Variants in DTNA observed in about 807,000 individuals in gnomAD.
The protein encoded by DTNA is dystrobrevin alpha, also known as dystrophin-related protein 3.
A neutral mutation model predicts 100.7 loss-of-function variants in DTNA; 43 were observed. That is an observed-to-expected ratio of 0.43 (90% CI 0.33 to 0.55). DTNA has a LOEUF of 0.55. DTNA is among the 20% of genes least tolerant of loss of function. The probability of loss-of-function intolerance (pLI) is 0.04; values close to 1 mark genes in which losing one functional copy is unlikely to be tolerated. For missense variants in DTNA, 798 were observed against 953.9 expected, an observed-to-expected ratio of 0.84 and a Z score of 2.15; for synonymous variants, 349 against 347.9, an observed-to-expected ratio of 1.00 and a Z score of -0.04.
Position 34,794,173 on chromosome 18 carries a change from G to A in DTNA, c.285G>A (p.Arg95=), listed in dbSNP as rs757017221. ...CTATTTTTTACCAGCTCAACAAACG[G>A]ATGCCAACCACTCACCAAATCCATG... ...LSTIFYQLNK[R]MPTTHQIHVE... Residue 95 remains arginine (R), a synonymous_variant, in exon 4 of 23, where the codon CGG becomes CGA. Coordinates refer to ENST00000444659, the MANE Select transcript of DTNA (RefSeq NM_001386795.1). 1.2e-6 allele frequency: 2 copies of A among 1,613,982 alleles called. No individual in the cohort carries two copies. The highest frequency in any genetic ancestry group is 1.3e-5 in the African/African-American group (1 of 74,888).
intron 1 of DTNA, among the ~76,000 whole-genome samples, chr18:34,547,694 C>T (rs1313920721): frequency 6.6e-6 from 1 of 152,104 alleles, no homozygotes; most frequent in South Asian, 2.1e-4. Context: ...TTTACATAAA[C>T]TGCATCTTCA....
At chr18:34,704,992 A>G (rs928389545) in intron 1 of DTNA, among the ~76,000 whole-genome samples, 7 of 152,204 alleles carry the variant, frequency 4.6e-5, no homozygotes, top group Non-Finnish European at 7.4e-5. Context: ...GAGAGCGACC[A>G]GACAGGTACT....
rs182477569 is a variant in DTNA at position 34,766,119 on chromosome 18, G to T, written c.148+78G>T. 1,296 of 1,462,740 alleles carry T rather than the reference G, an allele frequency of 8.9e-4. 2 individuals are homozygous for T. Among genetic ancestry groups the T allele is most frequent in the Non-Finnish European group, 1.1e-3 (1,140 of 1,053,424 alleles). The allele number at this position is 1,462,740 out of a possible 1,614,324, so 90.6% of individuals were successfully genotyped here. A position where few individuals can be genotyped will look rare whatever the true frequency, so the allele number is the denominator to read the frequency against. On this transcript the variant is annotated intron_variant, in intron 3 of 22. Coordinates refer to ENST00000444659, the MANE Select transcript of DTNA (RefSeq NM_001386795.1). ...ATTTGGTACTAAGTTTATTAAACTA[G>T]ATTCTGTTACAAATATTGCTAATAT... is the stretch of plus-strand genomic sequence containing the variant.
At chr18:34,563,734 T>A (rs2146273071) in intron 1 of DTNA, among the ~76,000 whole-genome samples, 1 of 152,304 alleles carries the variant, frequency 6.6e-6, no homozygotes, top group Non-Finnish European at 1.5e-5. Context: ...GTGATATTAC[T>A]CTCCACTGAA....
chr18:34,879,806 G>T lies in DTNA; in HGVS notation c.2162+87G>T, dbSNP rs1041675072. ...GAAAGTAAAAGCATAATTGTTTAGG[G>T]TTTTTTTAACCTTCAGAAGGGGTGA... On this transcript the variant is annotated intron_variant, in intron 20 of 22. Coordinates refer to ENST00000444659, the MANE Select transcript of DTNA (RefSeq NM_001386795.1). 35 of 1,539,612 alleles carry T rather than the reference G, an allele frequency of 2.3e-5. No individual in the cohort carries two copies. The Middle Eastern group carries it at 6.7e-4, about 30-fold the overall frequency.
At chr18:34,855,901 C>A (rs997295465) in intron 15 of DTNA, among the ~76,000 whole-genome samples, 2 of 152,112 alleles carry the variant, frequency 1.3e-5, no homozygotes, top group Non-Finnish European at 2.9e-5. Flanking sequence ...GAAAGCAGGA[C>A]TTCTTTTGAG....
At chr18:34,561,819 G>A (rs1219306433) in intron 1 of DTNA, among the ~76,000 whole-genome samples, 2 of 152,072 alleles carry the variant, frequency 1.3e-5, no homozygotes, top group Non-Finnish European at 2.9e-5. Flanking sequence ...TTCATTTATT[G>A]ACAGTTTTAT....
upstream of DTNA, among the ~76,000 whole-genome samples, chr18:34,707,649 GA>G (rs1189792562): frequency 6.6e-6 from 1 of 151,948 alleles, no homozygotes; most frequent in Non-Finnish European, 1.5e-5. Flanking sequence ...ATCTCCAGGG[GA>G]AAAAAATGTA....
rs2042840526 is a variant in DTNA at position 34,528,419 on chromosome 18, A to G, written c.-2+34905A>G. Among the ~76,000 whole-genome samples, 5 of 152,044 alleles carry G rather than the reference A, an allele frequency of 3.3e-5. No homozygotes were observed. In the South Asian group the frequency reaches 1.0e-3, roughly 31 times the overall value. ...GTGTGGCTACAAAACAAAACATGGG[A>G]ATTTCAGTAAAAAGAAGCCATAGAG... is the stretch of plus-strand genomic sequence containing the variant. On this transcript the variant is annotated intron_variant, in intron 1 of 19. Coordinates refer to the DTNA transcript ENST00000283365.
chr18:34,850,326 A>G (rs959845715), intron 14 of DTNA, among the ~76,000 whole-genome samples: 1 of 152,244 alleles, frequency 6.6e-6, no homozygotes, highest in Non-Finnish European at 1.5e-5. Context: ...ATATGCCAGA[A>G]AAGGAAACTT....
intron 1 of DTNA, among the ~76,000 whole-genome samples, chr18:34,562,462 A>G (rs535904976): frequency 1.3e-5 from 2 of 152,362 alleles, no homozygotes; most frequent in South Asian, 4.1e-4. Context: ...GTCCTCAGTC[A>G]GAAGTTAATA....
At chr18:34,782,193 C>T (rs9965740) in intron 3 of DTNA, among the ~76,000 whole-genome samples, 21,460 of 152,140 alleles carry the variant, frequency 0.14, 1,597 homozygotes, top group African/African-American at 0.17. Context: ...CCAGTTTGAA[C>T]AAGGTATTAT....
chr18:34,653,746 CA>C, intron 1 of DTNA, among the ~76,000 whole-genome samples: 1 of 152,082 alleles, frequency 6.6e-6, no homozygotes. Context: ...CGCTTGAACC[CA>C]GGAGGCAGAG....
intron 1 of DTNA, among the ~76,000 whole-genome samples, chr18:34,654,841 C>T (rs1295906453): frequency 6.6e-6 from 1 of 152,006 alleles, no homozygotes; most frequent in Non-Finnish European, 1.5e-5. Context: ...ATTCTCCTGC[C>T]TCAGCCTCCC....
chr18:34,670,842 G>A (rs958577243), intron 1 of DTNA, among the ~76,000 whole-genome samples: 2 of 152,206 alleles, frequency 1.3e-5, no homozygotes, highest in Admixed American at 1.3e-4. Context: ...ACTGGGGGAT[G>A]CCTCCCAGAT....
chr18:34,647,368 C>G (rs1490559915), intron 1 of DTNA, among the ~76,000 whole-genome samples: 1 of 152,110 alleles, frequency 6.6e-6, no homozygotes, highest in South Asian at 2.1e-4. Flanking sequence ...CCTCTTGGAC[C>G]ACAGAATTCC....
At chr18:34,536,622 A>G (rs1396309665) in intron 1 of DTNA, among the ~76,000 whole-genome samples, 1 of 151,918 alleles carries the variant, frequency 6.6e-6, no homozygotes, top group African/African-American at 2.4e-5. Context: ...TAATGTAAAG[A>G]CATCCTCTAT....
intron 1 of DTNA, among the ~76,000 whole-genome samples, chr18:34,736,312 T>A (rs1019755344): frequency 2.0e-5 from 3 of 152,234 alleles, no homozygotes; most frequent in Non-Finnish European, 4.4e-5. Flanking sequence ...AGATTTCATT[T>A]CTAAAAGCTG....
At chr18:34,495,180 T>C (rs1025212305) in intron 1 of DTNA, among the ~76,000 whole-genome samples, 1 of 152,334 alleles carries the variant, frequency 6.6e-6, no homozygotes, top group South Asian at 2.1e-4. Context: ...ACCACATCTT[T>C]CTATGAAGAT....
Sources: allele counts gnomAD v4.1 joint callset (sites outside exome capture counted in the v4.1 genomes callset), GRCh38; gene constraint gnomAD v4.1.1; transcripts MANE v1.5; gene names NCBI Gene and HGNC (gene_info 2026-07-23, HGNC 2026-07-21).